STK32B: variants seen among roughly 807,000 people sequenced by gnomAD.
STK32B encodes serine/threonine-protein kinase 32B.
Under a neutral mutation model 52.6 loss-of-function variants are expected in STK32B, and 43 were observed. The ratio of observed to expected loss-of-function variants is 0.82; its 90% CI spans 0.64 to 1.05. The LOEUF (loss-of-function observed/expected upper bound fraction) is 1.05, where lower values mean the gene tolerates loss of function less well. Ranked by LOEUF, STK32B falls within the 50% of genes least tolerant of loss-of-function variation. The pLI is 0.00. For missense variants in STK32B, 621 were observed against 534.6 expected, an observed-to-expected ratio of 1.16 and a Z score of -1.59; for synonymous variants, 238 against 204.3, an observed-to-expected ratio of 1.17 and a Z score of -1.41.
At chr4:5,245,715 T>A (rs1437066217) in intron 3 of STK32B, among the ~76,000 whole-genome samples, 1 of 152,198 alleles carries the variant, frequency 6.6e-6, no homozygotes, top group South Asian at 2.1e-4. Context: ...TGGTACCAGT[T>A]GTTCCTTTCC....
intron 3 of STK32B, among the ~76,000 whole-genome samples, chr4:5,238,718 AG>A (rs767714363): frequency 6.6e-6 from 1 of 152,178 alleles, no homozygotes; most frequent in Non-Finnish European, 1.5e-5. Flanking sequence ...CAGATCTGGT[AG>A]GTGGGCCGTA....
At chr4:5,284,597 T>G (rs1728426274) in intron 3 of STK32B, among the ~76,000 whole-genome samples, 1 of 152,326 alleles carries the variant, frequency 6.6e-6, no homozygotes, top group South Asian at 2.1e-4. Context: ...TTGATAGACA[T>G]GTAAACAAAT....
intron 3 of STK32B, among the ~76,000 whole-genome samples, chr4:5,200,972 G>A (rs1267758751): frequency 1.3e-5 from 2 of 152,176 alleles, no homozygotes; most frequent in African/African-American, 4.8e-5. Flanking sequence ...TATTGGATGG[G>A]CGGAGGAAGC....
At chr4:5,381,558 C>T (rs1158743297) in intron 4 of STK32B, among the ~76,000 whole-genome samples, 3 of 152,234 alleles carry the variant, frequency 2.0e-5, no homozygotes, top group Non-Finnish European at 4.4e-5. Flanking sequence ...GTGGTCAGCA[C>T]ATGCTAGGGG....
At chr4:5,375,949 C>T (rs1320852455) in intron 4 of STK32B, among the ~76,000 whole-genome samples, 1 of 152,226 alleles carries the variant, frequency 6.6e-6, no homozygotes, top group Non-Finnish European at 1.5e-5. Flanking sequence ...CCCCTACCCA[C>T]TTACAGCCTA....
intron 4 of STK32B, among the ~76,000 whole-genome samples, chr4:5,352,955 A>G (rs1275548787): frequency 2.0e-5 from 3 of 152,190 alleles, no homozygotes; most frequent in Admixed American, 6.5e-5. Flanking sequence ...AGCCAACGCA[A>G]TCCTAAGCAT....
intron 3 of STK32B, among the ~76,000 whole-genome samples, chr4:5,177,576 T>C (rs11930144): frequency 0.38 from 58,263 of 151,950 alleles, 11,897 homozygotes; most frequent in African/African-American, 0.51. Flanking sequence ...CGGCATTAAC[T>C]CAAAAGTCCA....
At chr4:5,094,971 A>C (rs953475641) in intron 1 of STK32B, among the ~76,000 whole-genome samples, 1 of 152,224 alleles carries the variant, frequency 6.6e-6, no homozygotes, top group African/African-American at 2.4e-5. Context: ...TGCCCTGGGC[A>C]CTGTGGGCTC....
intron 3 of STK32B, among the ~76,000 whole-genome samples, chr4:5,226,551 G>A (rs1267811135): frequency 1.3e-5 from 2 of 152,156 alleles, no homozygotes; most frequent in African/African-American, 2.4e-5. Context: ...TTTGTCCACC[G>A]TATCTATGCC....
intron 3 of STK32B, among the ~76,000 whole-genome samples, chr4:5,267,576 G>T (rs778100416): frequency 7.2e-5 from 11 of 152,080 alleles, no homozygotes; most frequent in Admixed American, 7.2e-4. Context: ...TAAGTGACTC[G>T]CCCAGGGTCG....
chr4:5,488,469 G>A (rs1295460524), intron 11 of STK32B, among the ~76,000 whole-genome samples: 1 of 151,952 alleles, frequency 6.6e-6, no homozygotes, highest in Non-Finnish European at 1.5e-5. Flanking sequence ...TTTTACTAAT[G>A]TATTTTGAAT....
chr4:5,331,675 G>T (rs963232679), intron 4 of STK32B, among the ~76,000 whole-genome samples: 2 of 152,082 alleles, frequency 1.3e-5, no homozygotes, highest in Non-Finnish European at 2.9e-5. Flanking sequence ...GGAACATTCT[G>T]TCTCTCCTGT....
chr4:5,268,536 GTGGTGTGTGTGT>G (rs1260380691), intron 3 of STK32B, among the ~76,000 whole-genome samples: 4 of 131,526 alleles, frequency 3.0e-5, no homozygotes, highest in African/African-American at 1.2e-4. Flanking sequence ...GTTGCTTGGT[GTGGTGTGTGTGT>G]GTGTGTGTGT....
At chr4:5,289,770 C>G (rs1020208023) in intron 3 of STK32B, among the ~76,000 whole-genome samples, 8 of 134,760 alleles carry the variant, frequency 5.9e-5, no homozygotes, top group African/African-American at 2.2e-4. Flanking sequence ...GTCTTGATCT[C>G]TTGACCTTGT....
chr4:5,471,133 A>G (rs2109175816), intron 11 of STK32B, among the ~76,000 whole-genome samples: 1 of 152,344 alleles, frequency 6.6e-6, no homozygotes, highest in East Asian at 1.9e-4. Flanking sequence ...CCAGGGGGAC[A>G]ATCAGAATTG....
chr4:5,246,688 C>T (rs1214848409), intron 3 of STK32B, among the ~76,000 whole-genome samples: 1 of 152,124 alleles, frequency 6.6e-6, no homozygotes, highest in Non-Finnish European at 1.5e-5. Flanking sequence ...TCTGTGTCTT[C>T]CCTATCTTTG....
At chr4:5,492,944 T>G (rs978276568) in intron 11 of STK32B, among the ~76,000 whole-genome samples, 7 of 151,196 alleles carry the variant, frequency 4.6e-5, no homozygotes, top group Non-Finnish European at 1.0e-4. Context: ...TCATGGTGGA[T>G]AAGCTTTTTG....
upstream of STK32B, among the ~76,000 whole-genome samples, chr4:5,049,227 C>T (rs1165967321): frequency 6.6e-6 from 1 of 151,224 alleles, no homozygotes; most frequent in African/African-American, 2.4e-5. Context: ...GACGGAGTCT[C>T]ACTCTGTCAC....
In STK32B at chr4:5,416,913, G is replaced by C. The variant is rs773012849; in HGVS notation, c.541G>C (p.Ala181Pro). The C allele has an allele frequency of 1.2e-6, 2 of 1,613,460 alleles. No individual in the cohort carries two copies. Among genetic ancestry groups the C allele is most frequent in the South Asian group, 2.2e-5 (2 of 90,834 alleles). Residue 181 changes from alanine (A) to proline (P), a missense_variant, in exon 6 of 12, where the codon GCT (alanine) becomes CCT (proline). By Grantham distance (27) the Ala-to-Pro change is conservative. Transcript: ENST00000282908. ...AGGAGCAGAAAGGGCTTCCTCCATG[G>C]CTGGCACCAAGCCCTACATGGGTGA... The part of the protein sequence containing the change: ...VKGAERASSM[A>P]GTKPYMAPEV...
Sources: allele counts gnomAD v4.1 joint callset (sites outside exome capture counted in the v4.1 genomes callset), GRCh38; gene constraint gnomAD v4.1.1; transcripts MANE v1.5; gene names NCBI Gene and HGNC (gene_info 2026-07-23, HGNC 2026-07-21).